DMRT1: variants seen among roughly 807,000 people sequenced by gnomAD.
DMRT1 encodes the protein doublesex and mab-3 related transcription factor 1, also known as doublesex- and mab-3-related transcription factor 1.
In DMRT1, 7 loss-of-function variants were observed where a neutral mutation model predicts 32.3. The ratio of observed to expected loss-of-function variants is 0.22; its 90% CI spans 0.12 to 0.41. The LOEUF (loss-of-function observed/expected upper bound fraction) is 0.41, where lower values mean the gene tolerates loss of function less well. DMRT1 is among the 10% of genes least tolerant of loss of function. DMRT1 has a pLI of 1.00. For missense variants in DMRT1, 625 were observed against 500.5 expected, an observed-to-expected ratio of 1.25 and a Z score of -2.37; for synonymous variants, 278 against 206.1, an observed-to-expected ratio of 1.35 and a Z score of -2.99.
intron 1 of DMRT1, among the ~76,000 whole-genome samples, chr9:843,135 C>T (rs371224495): frequency 6.6e-6 from 1 of 152,188 alleles, no homozygotes; most frequent in African/African-American, 2.4e-5. Flanking sequence ...TCTGACTCTC[C>T]CTCCTTGCTG....
intron 4 of DMRT1, among the ~76,000 whole-genome samples, chr9:918,569 A>G (rs1233270216): frequency 1.3e-5 from 2 of 152,196 alleles, no homozygotes; most frequent in Admixed American, 6.5e-5. Flanking sequence ...GGAAAGAAGA[A>G]TAGGTGAATA....
intron 2 of DMRT1, among the ~76,000 whole-genome samples, chr9:880,198 T>G (rs1017240102): frequency 2.6e-5 from 4 of 152,140 alleles, no homozygotes; most frequent in African/African-American, 9.7e-5. Context: ...TGAGTGTAGC[T>G]CTTCAACAGT....
chr9:919,974 G>A (rs906321631), intron 4 of DMRT1, among the ~76,000 whole-genome samples: 2 of 152,144 alleles, frequency 1.3e-5, no homozygotes, highest in African/African-American at 2.4e-5. Context: ...TACACTCCTC[G>A]AAGATAATTC....
At chr9:960,612 G>GA (rs1029196731) in intron 4 of DMRT1, among the ~76,000 whole-genome samples, 1 of 152,206 alleles carries the variant, frequency 6.6e-6, no homozygotes, top group African/African-American at 2.4e-5. Flanking sequence ...TGCCAGTGTG[G>GA]ATGGCAGAGC....
chr9:868,673 T>C (rs1300282830), intron 2 of DMRT1, among the ~76,000 whole-genome samples: 3 of 152,212 alleles, frequency 2.0e-5, no homozygotes, highest in Non-Finnish European at 4.4e-5. Context: ...AAAATGTTGT[T>C]TATGAATTGC....
intron 2 of DMRT1, among the ~76,000 whole-genome samples, chr9:885,571 T>G (rs1816895481): frequency 6.6e-6 from 1 of 152,204 alleles, no homozygotes; most frequent in Non-Finnish European, 1.5e-5. Context: ...GACGTTGAGC[T>G]GCTTGCCTTC....
rs1369342401 is a variant in DMRT1, at chr9:965,378, A to G, written c.968-2607A>G. On this transcript the variant is annotated intron_variant, in intron 4 of 4. Coordinates refer to ENST00000382276, the MANE Select transcript of DMRT1 (RefSeq NM_021951.3). This position sits in a 1 kb window ranked among gnomAD's most constrained non-coding sequence, Gnocchi z 4.5. ...ACAGGGTGAGTTTTACATTTTCTCT[A>G]GAGTGCAGTCATGCATTAAAAGTAT... is the stretch of plus-strand genomic sequence containing the variant. Among the ~76,000 whole-genome samples the G allele has an allele frequency of 1.3e-5, 2 of 152,266 alleles. No homozygotes were observed. The highest frequency in any genetic ancestry group is 6.5e-5 in the Admixed American group (1 of 15,286).
At chr9:887,661 C>CT (rs1816984199) in intron 2 of DMRT1, among the ~76,000 whole-genome samples, 1 of 152,136 alleles carries the variant, frequency 6.6e-6, no homozygotes, top group Admixed American at 6.5e-5. Context: ...TATTATTCTC[C>CT]TTTTTTTGAG....
At chr9:857,877 G>C (rs202116705) in intron 2 of DMRT1, among the ~76,000 whole-genome samples, 3 of 148,694 alleles carry the variant, frequency 2.0e-5, no homozygotes, top group Non-Finnish European at 4.4e-5. Flanking sequence ...ACATGTGGTG[G>C]TTGGTGTTTT....
At chr9:928,080 G>T (rs896483093) in intron 4 of DMRT1, among the ~76,000 whole-genome samples, 2 of 152,148 alleles carry the variant, frequency 1.3e-5, no homozygotes, top group Admixed American at 1.3e-4. Context: ...GCTGCCTAGT[G>T]TTATCTTGAA....
intron 2 of DMRT1, among the ~76,000 whole-genome samples, chr9:870,396 T>A (rs1816186456): frequency 8.4e-6 from 1 of 119,576 alleles, no homozygotes. Flanking sequence ...TGAAACTCTG[T>A]CTCAAAAAAC....
At chr9:944,770 T>C (rs142190363) in intron 4 of DMRT1, among the ~76,000 whole-genome samples, 1 of 152,314 alleles carries the variant, frequency 6.6e-6, no homozygotes, top group Non-Finnish European at 1.5e-5. Flanking sequence ...CATTATGATA[T>C]CAAATGCTTA....
intron 2 of DMRT1, among the ~76,000 whole-genome samples, chr9:857,047 G>A (rs1189789826): frequency 6.6e-6 from 1 of 152,172 alleles, no homozygotes; most frequent in Non-Finnish European, 1.5e-5. Flanking sequence ...GGGTGTGGTG[G>A]CTCACACCTG....
At chr9:874,793 A>G (rs1372611249) in intron 2 of DMRT1, among the ~76,000 whole-genome samples, 1 of 147,946 alleles carries the variant, frequency 6.8e-6, no homozygotes. Flanking sequence ...CAACAACAAC[A>G]AGTTAATCTT....
At chr9:872,558 T>A (rs536702476) in intron 2 of DMRT1, among the ~76,000 whole-genome samples, 3,380 of 152,326 alleles carry the variant, frequency 0.022, 86 homozygotes, top group African/African-American at 0.065. Context: ...AGACATTTCA[T>A]GTAAATGGAA....
intron 4 of DMRT1, among the ~76,000 whole-genome samples, chr9:952,939 G>C (rs758551738): frequency 6.6e-6 from 1 of 152,166 alleles, no homozygotes. Context: ...TTTTAAAGCC[G>C]AAAGGGTTTT....
chr9:905,084 C>G (rs929749371), intron 3 of DMRT1, among the ~76,000 whole-genome samples: 8 of 152,186 alleles, frequency 5.3e-5, no homozygotes, highest in Non-Finnish European at 1.0e-4. Context: ...TTGATCACAA[C>G]TATTGTTTAG....
intron 4 of DMRT1, among the ~76,000 whole-genome samples, chr9:937,312 T>C (rs546022200): frequency 1.3e-5 from 2 of 152,366 alleles, no homozygotes; most frequent in African/African-American, 2.4e-5. Context: ...AAGTTTGGTG[T>C]ACAAGTATCT....
intron 4 of DMRT1, among the ~76,000 whole-genome samples, chr9:951,617 G>A (rs1202534282): frequency 6.6e-6 from 1 of 152,126 alleles, no homozygotes; most frequent in Non-Finnish European, 1.5e-5. Flanking sequence ...TGTACCTCTT[G>A]GGTAAATTAG....
Sources: allele counts gnomAD v4.1 joint callset (sites outside exome capture counted in the v4.1 genomes callset), GRCh38; gene constraint gnomAD v4.1.1; non-coding constraint Gnocchi (gnomAD v3.1); transcripts MANE v1.5; gene names NCBI Gene and HGNC (gene_info 2026-07-23, HGNC 2026-07-21).